The following NTM variants were observed in gnomAD, a reference collection of about 807,000 sequenced individuals.
The protein encoded by NTM is neurotrimin.
In NTM, 13 loss-of-function variants were observed where a neutral mutation model predicts 42.1. That is an observed-to-expected ratio of 0.31 (90% CI 0.20 to 0.49). NTM has a LOEUF of 0.49. NTM is among the 20% of genes least tolerant of loss of function. The pLI, the probability that NTM is intolerant of heterozygous loss-of-function variation, is 0.99. For synonymous variants in NTM, 187 were observed against 179.2 expected (o/e 1.04, Z -0.35); for missense variants, 373 against 452.8 (o/e 0.82, Z 1.60).
chr11:131,865,732 C>G (rs2047071609), intron 1 of NTM, among the ~76,000 whole-genome samples: 1 of 84,858 alleles, frequency 1.2e-5, no homozygotes, highest in African/African-American at 5.3e-5. Context: ...CCCACCTGCT[C>G]TCACACGTTG....
Position 131,883,277 on chromosome 11 carries a change from G to A in NTM, c.83-28287G>A, listed in dbSNP as rs143590859. On this transcript the variant is annotated intron_variant, in intron 1 of 8. Transcript: ENST00000683400. ...CGAATATTTCATATTCAAAGGTCAC[G>A]CTATCTCCAGTCTCCTTCCCAAAGC... 3.1e-4 allele frequency among the ~76,000 whole-genome samples: 47 copies of A among 152,264 alleles called. 1 individual carries two copies. In the East Asian group the frequency reaches 6.2e-3, roughly 20 times the overall value.
chr11:131,801,504 G>T (rs551431669), intron 1 of NTM, among the ~76,000 whole-genome samples: 1 of 152,284 alleles, frequency 6.6e-6, no homozygotes, highest in East Asian at 1.9e-4. Flanking sequence ...AGAGCCTGTG[G>T]CAGTTTCGCC....
chr11:131,953,386 T>G (rs2061227142), intron 2 of NTM, among the ~76,000 whole-genome samples: 1 of 152,180 alleles, frequency 6.6e-6, no homozygotes, highest in Non-Finnish European at 1.5e-5. Context: ...GACTCCAAGT[T>G]TGTGTGACTT....
chr11:131,869,693 A>G (rs1019991604), intron 1 of NTM, among the ~76,000 whole-genome samples: 1 of 152,216 alleles, frequency 6.6e-6, no homozygotes, highest in African/African-American at 2.4e-5. Context: ...AATTTAATTT[A>G]ATTGTAGATC....
Position 131,681,807 on chromosome 11 carries a change from G to A in NTM, c.83-229757G>A, listed in dbSNP as rs2072979332. 2.9e-5 allele frequency among the ~76,000 whole-genome samples: 4 copies of A among 139,540 alleles called. No individual in the cohort carries two copies. The Admixed American group carries it at 2.9e-4, about 10-fold the overall frequency. 91.5% of individuals were successfully genotyped at this position (139,540 alleles called of 152,430 possible). A position where few individuals can be genotyped will look rare whatever the true frequency, so the allele number is the denominator to read the frequency against. On this transcript the variant is annotated intron_variant, in intron 1 of 8. Transcript: ENST00000683400. ...TGTGTCTGTGTGTATGTCTCCCTGT[G>A]TGTGTGAGCGTGTGTGTTTCTGTGT...
chr11:132,169,360 G>T (rs1264415012), intron 3 of NTM, among the ~76,000 whole-genome samples: 1 of 48,084 alleles, frequency 2.1e-5, no homozygotes, highest in Admixed American at 3.4e-4. Context: ...TTTGGAGATG[G>T]AGTCTCACTC....
At chr11:131,565,906 C>T (rs2056833110) in intron 1 of NTM, among the ~76,000 whole-genome samples, 1 of 152,200 alleles carries the variant, frequency 6.6e-6, no homozygotes, top group Non-Finnish European at 1.5e-5. Flanking sequence ...GACCCATCTA[C>T]ATAGTCAGGA....
intron 4 of NTM, chr11:132,306,283 G>A (rs1322560975): frequency 1.3e-5 from 2 of 152,108 alleles, no homozygotes; most frequent in African/African-American, 2.4e-5. Context: ...TTGTTGTATC[G>A]GTTTTTTACA....
At chr11:131,976,596 CCT>C (rs1302923395) in intron 2 of NTM, among the ~76,000 whole-genome samples, 1 of 152,106 alleles carries the variant, frequency 6.6e-6, no homozygotes, top group Non-Finnish European at 1.5e-5. Context: ...TCCTCTCCAC[CCT>C]CTTTCACCCC....
chr11:131,893,488 G>C (rs932708420), intron 1 of NTM, among the ~76,000 whole-genome samples: 2 of 152,178 alleles, frequency 1.3e-5, no homozygotes, highest in Middle Eastern at 3.2e-3. Flanking sequence ...TGCATTAACA[G>C]GCTGGGTCTG....
chr11:131,604,707 T>C (rs1007589914), intron 1 of NTM, among the ~76,000 whole-genome samples: 2 of 150,738 alleles, frequency 1.3e-5, no homozygotes. Context: ...AAGGTCTTTT[T>C]TTCTTTCCTT....
In NTM at chr11:132,336,170, C is replaced by T. The variant is rs1012509802; in HGVS notation, c.*1024C>T. ...GCTTCCTTTGATGACATATATTATACAGTATATATATACATATATTTTTTT... is the reference window on the plus strand; with the variant it reads ...GCTTCCTTTGATGACATATATTATATAGTATATATATACATATATTTTTTT... On this transcript the variant is annotated 3_prime_UTR_variant, in exon 9 of 9. Transcript: ENST00000683400. 1 of 152,648 alleles carries T rather than the reference C, an allele frequency of 6.6e-6. No homozygotes were observed. Among genetic ancestry groups the T allele is most frequent in the African/African-American group, 2.4e-5 (1 of 41,536 alleles). The allele number at this position is 152,648 out of a possible 1,614,324, so 9.5% of individuals were successfully genotyped here.
intron 1 of NTM, among the ~76,000 whole-genome samples, chr11:131,507,422 GT>G (rs1337600524): frequency 6.6e-6 from 1 of 151,598 alleles, no homozygotes; most frequent in Non-Finnish European, 1.5e-5. Context: ...CTATATCTCT[GT>G]TTTGGTACCA....
intron 2 of NTM, among the ~76,000 whole-genome samples, chr11:131,934,517 G>A (rs2059003635): frequency 6.6e-6 from 1 of 152,168 alleles, no homozygotes; most frequent in Non-Finnish European, 1.5e-5. Flanking sequence ...GATGTATCAT[G>A]GATTCTGCAG....
chr11:131,773,474 G>A (rs538828065), intron 1 of NTM, among the ~76,000 whole-genome samples: 86 of 152,158 alleles, frequency 5.7e-4, no homozygotes, highest in Admixed American at 1.6e-3. Flanking sequence ...TGAACTTTCC[G>A]TGGGTAAAGA....
At chr11:132,288,304 T>G (rs2094326760) in intron 4 of NTM, among the ~76,000 whole-genome samples, 1 of 152,202 alleles carries the variant, frequency 6.6e-6, no homozygotes, top group African/African-American at 2.4e-5. Flanking sequence ...GCACAGAAGA[T>G]TCAGAAGATT....
At chr11:132,118,643 A>G (rs1432122628) in intron 2 of NTM, among the ~76,000 whole-genome samples, 1 of 152,210 alleles carries the variant, frequency 6.6e-6, no homozygotes, top group Non-Finnish European at 1.5e-5. Context: ...CGGAAAGGGT[A>G]CCAGAAATAG....
chr11:131,894,207 T>C (rs547987837), intron 1 of NTM, among the ~76,000 whole-genome samples: 5 of 152,288 alleles, frequency 3.3e-5, no homozygotes, highest in African/African-American at 1.2e-4. Context: ...GCCAGCCACA[T>C]GCTTGCCTAA....
chr11:131,631,214 T>C lies in NTM; in HGVS notation c.82+260326T>C, dbSNP rs78702251. ...GACAACAATACCTACTGTGAGGTGT[T>C]GTGAAGAGTTTATGGGACAATGTAT... On this transcript the variant is annotated intron_variant, in intron 1 of 8. Coordinates refer to ENST00000683400, the MANE Select transcript of NTM (RefSeq NM_001352005.2). Among the ~76,000 whole-genome samples the C allele has an allele frequency of 1.0e-3, 154 of 152,324 alleles. 1 individual carries two copies. Among genetic ancestry groups the C allele is most frequent in the East Asian group, 6.8e-3 (35 of 5,184 alleles).
Sources: allele counts gnomAD v4.1 joint callset (sites outside exome capture counted in the v4.1 genomes callset), GRCh38; gene constraint gnomAD v4.1.1; transcripts MANE v1.5; gene names NCBI Gene and HGNC (gene_info 2026-07-23, HGNC 2026-07-21).